The following FAM168B variants were observed in gnomAD, a reference collection of about 807,000 sequenced individuals.
FAM168B encodes myelin-associated neurite-outgrowth inhibitor.
A neutral mutation model predicts 21.8 loss-of-function variants in FAM168B; 19 were observed. The ratio of observed to expected loss-of-function variants is 0.87; its 90% CI spans 0.61 to 1.28. The LOEUF (loss-of-function observed/expected upper bound fraction) is 1.28, where lower values mean the gene tolerates loss of function less well. FAM168B is among the 50% of genes most tolerant of loss of function. FAM168B has a pLI of 0.00. For synonymous variants in FAM168B, 126 were observed against 104.8 expected (o/e 1.20, Z -1.24); for missense variants, 233 against 263.1 (o/e 0.89, Z 0.79).
chr2:131,090,568 C>T (rs868536798), intron 1 of FAM168B, among the ~76,000 whole-genome samples: 1 of 152,074 alleles, frequency 6.6e-6, no homozygotes, highest in African/African-American at 2.4e-5. Context: ...TAATGTCTGG[C>T]AACATCAACA....
At chr2:131,075,570 C>T (rs1319393831) in intron 2 of FAM168B, among the ~76,000 whole-genome samples, 4 of 151,764 alleles carry the variant, frequency 2.6e-5, no homozygotes, top group Non-Finnish European at 5.9e-5. Context: ...TCTCGGCTTA[C>T]TGCAAGCTCC....
chr2:131,092,228 A>C (rs1160960270), intron 1 of FAM168B, among the ~76,000 whole-genome samples: 2 of 152,124 alleles, frequency 1.3e-5, no homozygotes, highest in African/African-American at 4.8e-5. Flanking sequence ...TAAACTACGG[A>C]ACTCCACCAA....
At chr2:131,091,507 C>T (rs1047579745) in intron 1 of FAM168B, among the ~76,000 whole-genome samples, 1 of 150,280 alleles carries the variant, frequency 6.7e-6, no homozygotes, top group East Asian at 2.0e-4. Flanking sequence ...ATTAGCTGGG[C>T]GCAGTGGTGT....
Position 131,091,595 on chromosome 2 carries a change from C to G in FAM168B, c.-12+1619G>C, listed in dbSNP as rs189168955. 5.5e-3 allele frequency among the ~76,000 whole-genome samples: 838 copies of G among 151,048 alleles called. 4 individuals are homozygous for G. The highest frequency in any genetic ancestry group is 0.019 in the African/African-American group (767 of 41,130). On this transcript the variant is annotated intron_variant, in intron 1 of 6. Coordinates refer to ENST00000389915, the MANE Select transcript of FAM168B (RefSeq NM_001009993.4). ...CCGGGAGGCGGAGGTTGCAGTGAGCCGAGATCACGCCATTGCACTCCAGCC... is the reference window on the plus strand; with the variant it reads ...CCGGGAGGCGGAGGTTGCAGTGAGCGGAGATCACGCCATTGCACTCCAGCC...
intron 3 of FAM168B, among the ~76,000 whole-genome samples, chr2:131,067,384 C>G (rs980251455): frequency 6.6e-6 from 1 of 152,136 alleles, no homozygotes; most frequent in Admixed American, 6.5e-5. Context: ...GGAAGTCAGA[C>G]TCCGCATATA....
At chr2:131,059,589 T>A (rs1267778443) in intron 3 of FAM168B, among the ~76,000 whole-genome samples, 2 of 152,204 alleles carry the variant, frequency 1.3e-5, no homozygotes, top group Non-Finnish European at 2.9e-5. Flanking sequence ...ATATTTTTTT[T>A]ATAAAAATGT....
chr2:131,052,535 G>T, intron 6 of FAM168B, 83 bp from the exon 7 acceptor site: 1 of 1,017,728 alleles, frequency 9.8e-7, no homozygotes, highest in Non-Finnish European at 1.2e-6. Context: ...ATGAGGCCCA[G>T]CAGGGTCGGA....
At chr2:131,081,066 G>A (rs928973069) in intron 2 of FAM168B, among the ~76,000 whole-genome samples, 2 of 152,052 alleles carry the variant, frequency 1.3e-5, no homozygotes, top group African/African-American at 2.4e-5. Flanking sequence ...TCCTTATGTT[G>A]CATTCTGGTT....
rs376404970 is a variant in FAM168B, at chr2:131,051,205, A to T, written c.*1260T>A. Reference sequence around the variant, plus strand: ...CAGACACTGGCCTCCCCCTCGCCCCATCTCTAAGCGTCCCCTCCAGCCGGC... The same window carrying T: ...CAGACACTGGCCTCCCCCTCGCCCCTTCTCTAAGCGTCCCCTCCAGCCGGC... On this transcript the variant is annotated 3_prime_UTR_variant, in exon 7 of 7. Transcript: ENST00000389915. 4.2e-5 allele frequency: 41 copies of T among 985,158 alleles called. 1 individual carries two copies. The African/African-American group carries it at 6.8e-4, about 16-fold the overall frequency. The allele number at this position is 985,158 out of a possible 1,614,324, so 61.0% of individuals were successfully genotyped here.
At chr2:131,083,535 T>G (rs1693527536) in intron 1 of FAM168B, among the ~76,000 whole-genome samples, 1 of 152,130 alleles carries the variant, frequency 6.6e-6, no homozygotes, top group African/African-American at 2.4e-5. Flanking sequence ...AGCGAGACTT[T>G]GTCGCAAAAA....
Position 131,050,355 on chromosome 2 carries a change from G to C in FAM168B, c.*2110C>G, listed in dbSNP as rs1691582371. 2.0e-6 allele frequency: 2 copies of C among 985,636 alleles called. No individual in the cohort carries two copies. Among genetic ancestry groups the C allele is most frequent in the South Asian group, 4.7e-5 (1 of 21,286 alleles). The allele number at this position is 985,636 out of a possible 1,614,324, so 61.1% of individuals were successfully genotyped here. On this transcript the variant is annotated 3_prime_UTR_variant, in exon 7 of 7. Coordinates refer to ENST00000389915, the MANE Select transcript of FAM168B (RefSeq NM_001009993.4). ...CTATTAGCACTCAATTGGGAAAAAAGACTTCTCTGCTACTTGGTCAGCTGA... is the reference window on the plus strand; with the variant it reads ...CTATTAGCACTCAATTGGGAAAAAACACTTCTCTGCTACTTGGTCAGCTGA...
chr2:131,062,139 G>A (rs1189973039), intron 3 of FAM168B, among the ~76,000 whole-genome samples: 1 of 152,160 alleles, frequency 6.6e-6, no homozygotes, highest in Admixed American at 6.5e-5. Context: ...TCAAACTGCA[G>A]AAAGAGCTCA....
At chr2:131,090,198 G>A (rs1413639575) in intron 1 of FAM168B, among the ~76,000 whole-genome samples, 1 of 146,568 alleles carries the variant, frequency 6.8e-6, no homozygotes, top group African/African-American at 2.5e-5. Context: ...GCAGGCGCCT[G>A]TACCCAGCTA....
chr2:131,080,500 C>T (rs1168404459), intron 2 of FAM168B, among the ~76,000 whole-genome samples: 1 of 151,402 alleles, frequency 6.6e-6, no homozygotes, highest in African/African-American at 2.4e-5. Context: ...CATCTGTAAT[C>T]CCAGTTACTC....
chr2:131,079,715 T>G (rs1009893379), intron 2 of FAM168B, among the ~76,000 whole-genome samples: 10 of 151,944 alleles, frequency 6.6e-5, no homozygotes, highest in African/African-American at 2.4e-4. Flanking sequence ...TTACCTGTTA[T>G]AGCAGCCACA....
At chr2:131,083,916 A>T in intron 1 of FAM168B, among the ~76,000 whole-genome samples, 1 of 144,786 alleles carries the variant, frequency 6.9e-6, no homozygotes, top group African/African-American at 2.7e-5. Context: ...TTATTTATTT[A>T]TTTTCCCAGA....
chr2:131,065,374 A>ACT (rs1692500263), intron 3 of FAM168B, among the ~76,000 whole-genome samples: 1 of 152,212 alleles, frequency 6.6e-6, no homozygotes, highest in African/African-American at 2.4e-5. Context: ...AACAGGCTCC[A>ACT]CAAGACCTCA....
In FAM168B at chr2:131,084,846, C is replaced by CA. The variant is rs1355467547; in HGVS notation, c.-11-2190dup. On this transcript the variant is annotated intron_variant, in intron 1 of 6. Transcript: ENST00000389915. ...TAAGTGATCTTCCCACCTCAGCCTC[C>CA]AGAGTAGCCAGGACTACAGGTGTGC... Among the ~76,000 whole-genome samples, 11 of 152,276 alleles carry CA rather than the reference C, an allele frequency of 7.2e-5. No homozygotes were observed. In the South Asian group the frequency reaches 2.3e-3, roughly 32 times the overall value.
At position 131,049,048 on chromosome 2, in the gene FAM168B, T is replaced by C; in HGVS notation, c.*3417A>G. On this transcript the variant is annotated 3_prime_UTR_variant, in exon 7 of 7. Transcript: ENST00000389915. ...AAGCAGACACCAATACTTACATAAC[T>C]AGTACATGTTGGCCTTTCACCAGCA... is the stretch of plus-strand genomic sequence containing the variant. 1 of 985,404 alleles carries C rather than the reference T, an allele frequency of 1.0e-6. No homozygotes were observed. Among genetic ancestry groups the C allele is most frequent in the Non-Finnish European group, 1.2e-6 (1 of 829,900 alleles). The allele number at this position is 985,404 out of a possible 1,614,324, so 61.0% of individuals were successfully genotyped here.
Sources: gnomAD v4.1 joint callset for allele counts (sites outside exome capture counted in the v4.1 genomes callset) on GRCh38, gnomAD v4.1.1 for gene constraint, MANE v1.5 for transcripts, NCBI Gene and HGNC (gene_info 2026-07-23, HGNC 2026-07-21) for gene names.